The following NCAPD2 variants were observed in gnomAD, a reference collection of about 807,000 sequenced individuals.
NCAPD2 encodes condensin complex subunit 1.
A neutral mutation model predicts 164.5 loss-of-function variants in NCAPD2; 100 were observed. The ratio of observed to expected loss-of-function variants is 0.61; its 90% CI spans 0.52 to 0.72. The LOEUF (loss-of-function observed/expected upper bound fraction) is 0.72, where lower values mean the gene tolerates loss of function less well. Among genes scored for constraint, NCAPD2 ranks in the 30% least tolerant of loss-of-function variants. The probability of loss-of-function intolerance (pLI) is 0.00; values close to 1 mark genes in which losing one functional copy is unlikely to be tolerated. For synonymous variants in NCAPD2, 585 were observed against 642.6 expected, an observed-to-expected ratio of 0.91 and a Z score of 1.36; for missense variants, 1,560 against 1,749.2, an observed-to-expected ratio of 0.89 and a Z score of 1.93.
Position 6,526,152 on chromosome 12 carries a change from G to C in NCAPD2, c.2433G>C (p.Leu811=), listed in dbSNP as rs1946315457. Residue 811 remains leucine (L), a synonymous_variant, in exon 19 of 32, where the codon CTG becomes CTC. Transcript: ENST00000315579. ...AGAAGTTTCCACAGGACTACAGGCTGGCCCAGCAGGTGTGCCATGCCATTG... is the reference window on the plus strand; with the variant it reads ...AGAAGTTTCCACAGGACTACAGGCTCGCCCAGCAGGTGTGCCATGCCATTG... ...LDEKFPQDYR[L]AQQVCHAIAN... is the part of the protein sequence containing the mutation. 1 of 1,614,088 alleles carries C rather than the reference G, an allele frequency of 6.2e-7. No individual in the cohort carries two copies. Among genetic ancestry groups the C allele is most frequent in the South Asian group, 1.1e-5 (1 of 91,088 alleles).
intron 2 of NCAPD2, among the ~76,000 whole-genome samples, chr12:6,505,982 A>C (rs1282199950): frequency 6.6e-6 from 1 of 151,308 alleles, no homozygotes; most frequent in East Asian, 1.9e-4. Context: ...TTTTTTTTAC[A>C]TGGGGTCTCA....
rs376684532 is a variant in NCAPD2, at chr12:6,526,537, T to G, written c.2656T>G (p.Cys886Gly). 12 of 1,614,182 alleles carry G rather than the reference T, an allele frequency of 7.4e-6. No homozygotes were observed. Among genetic ancestry groups the G allele is most frequent in the Non-Finnish European group, 1.0e-5 (12 of 1,180,026 alleles). The change falls in exon 21 of 32, where the codon TGT (cysteine) becomes GGT (glycine). Residue 886 changes from cysteine (C) to glycine (G), a missense_variant. Cys to Gly is a radical substitution (Grantham distance 159). Coordinates refer to ENST00000315579, the MANE Select transcript of NCAPD2 (RefSeq NM_014865.4). Reference protein sequence around the residue: ...YQLAEGPEVICAQILQGCAKQ... With the variant: ...YQLAEGPEVIGAQILQGCAKQ... Reference sequence around the variant, plus strand: ...ACTGGCAGAGGGCCCCGAAGTGATCTGTGCCCAGATATTGCAGGGCTGTGC... The same window carrying G: ...ACTGGCAGAGGGCCCCGAAGTGATCGGTGCCCAGATATTGCAGGGCTGTGC...
rs1362176453 is a variant in NCAPD2, at chr12:6,517,852, A to G, written c.1482A>G (p.Leu494=). The change falls in exon 13 of 32, where the codon CTA becomes CTG. Residue 494 remains leucine, a synonymous_variant. Transcript: ENST00000315579. The stretch of plus-strand genomic sequence containing the variant: ...TGAAGTCTACCCTGCAGCAGCTTCT[A>G]CAGCTTCCCCAGGGAGAGGAGGAGA... ...PELKSTLQQL[L]QLPQGEEEIP... 4 of 1,614,092 alleles carry G rather than the reference A, an allele frequency of 2.5e-6. No individual in the cohort carries two copies. The highest frequency in any genetic ancestry group is 3.4e-6 in the Non-Finnish European group (4 of 1,180,042).
intron 2 of NCAPD2, among the ~76,000 whole-genome samples, chr12:6,497,483 T>G (rs1484747960): frequency 6.6e-6 from 1 of 152,174 alleles, no homozygotes. Context: ...CTCCATTGTG[T>G]TGTTCCCCTC....
chr12:6,521,231 A>G lies in NCAPD2; in HGVS notation c.1714+121A>G, dbSNP rs537250542. ...CTGGTGCTGAAGAGCCCAGAGATGA[A>G]TTGGCATTACTTTTGCTCTGGAATG... On this transcript the variant is annotated intron_variant, in intron 14 of 31. Coordinates refer to ENST00000315579, the MANE Select transcript of NCAPD2 (RefSeq NM_014865.4). The G allele has an allele frequency of 2.4e-5, 29 of 1,227,442 alleles. No homozygotes were observed. The East Asian group carries it at 7.0e-4, about 30-fold the overall frequency. 76.0% of individuals were successfully genotyped at this position (1,227,442 alleles called of 1,614,324 possible).
At chr12:6,524,513 G>T (rs1031754128) in intron 17 of NCAPD2, among the ~76,000 whole-genome samples, 12 of 152,066 alleles carry the variant, frequency 7.9e-5, no homozygotes, top group African/African-American at 2.9e-4. Flanking sequence ...GCCAGGTGTG[G>T]TGGTGGGCAC....
chr12:6,516,720 T>C (rs566768837), intron 9 of NCAPD2, 108 bp from the exon 10 acceptor site: 13 of 1,067,124 alleles, frequency 1.2e-5, no homozygotes, highest in Middle Eastern at 3.1e-4. Flanking sequence ...CTTTCTCCTG[T>C]GACCTTGGGA....
chr12:6,513,715 C>A (rs202142807), intron 6 of NCAPD2, among the ~76,000 whole-genome samples: 1 of 74,894 alleles, frequency 1.3e-5, no homozygotes. Context: ...GTGACTTTGT[C>A]TTTTTTTTTT....
In NCAPD2 at chr12:6,528,887, T is replaced by C. The variant is rs1365457531; in HGVS notation, c.3477+31T>C. ...AGGCAGAGAGGCACTGAGGGCTGGC[T>C]GCAGAGGGAATCTGTAGGTCACCTC... On this transcript the variant is annotated intron_variant, in intron 26 of 31. Transcript: ENST00000315579. The surrounding 1 kb of genome is among the most constrained non-coding windows in gnomAD (Gnocchi z 5.1). The C allele has an allele frequency of 1.2e-6, 2 of 1,613,150 alleles. No individual in the cohort carries two copies. Among genetic ancestry groups the C allele is most frequent in the Non-Finnish European group, 1.7e-6 (2 of 1,179,118 alleles).
chr12:6,520,830 C>A, intron 13 of NCAPD2, 156 bp from the exon 14 acceptor site: 1 of 856,874 alleles, frequency 1.2e-6, no homozygotes, highest in Non-Finnish European at 1.7e-6. Flanking sequence ...TTGAGCCCTA[C>A]CCCTTAGTAG....
Position 6,505,336 on chromosome 12 carries a change from AT to A in NCAPD2, c.128-4378del, listed in dbSNP as rs559579564. On this transcript the variant is annotated intron_variant, in intron 2 of 31. Transcript: ENST00000315579. ...CCGCCTCGGTCTCCAAAGCGCTGGGATTTACAGGTGTGAGCCAGCGTGCCCG... is the reference window on the plus strand; with the variant it reads ...CCGCCTCGGTCTCCAAAGCGCTGGGATTACAGGTGTGAGCCAGCGTGCCCG... Among the ~76,000 whole-genome samples, 145 of 152,172 alleles carry A rather than the reference AT, an allele frequency of 9.5e-4. 1 individual carries two copies. The highest frequency in any genetic ancestry group is 3.3e-3 in the African/African-American group (137 of 41,518).
intron 27 of NCAPD2, 188 bp from the exon 28 acceptor site, chr12:6,529,325 C>T: frequency 1.6e-6 from 1 of 638,324 alleles, no homozygotes; most frequent in Non-Finnish European, 2.7e-6. Context: ...GTGAAAATTC[C>T]TGAGCCGGGG....
chr12:6,509,971 A>G (rs1019983208), intron 3 of NCAPD2, 104 bp from the exon 4 acceptor site: 4 of 1,349,110 alleles, frequency 3.0e-6, no homozygotes, highest in Non-Finnish European at 4.2e-6. Context: ...GAACAATTTC[A>G]CGTGTATTTT....
intron 13 of NCAPD2, 114 bp from the exon 14 acceptor site, chr12:6,520,872 G>C: frequency 7.1e-7 from 1 of 1,411,040 alleles, no homozygotes; most frequent in African/African-American, 1.4e-5. Context: ...CATGTTAAGT[G>C]CTCCTTTTCT....
chr12:6,510,580 T>A (rs913252321), intron 4 of NCAPD2, 49 bp from the exon 5 acceptor site: 1 of 1,595,282 alleles, frequency 6.3e-7, no homozygotes, highest in Non-Finnish European at 8.6e-7. Context: ...GAAGTTGGGG[T>A]ATATGAAAGA....
intron 2 of NCAPD2, among the ~76,000 whole-genome samples, chr12:6,495,648 T>C (rs1640905454): frequency 6.6e-6 from 1 of 152,226 alleles, no homozygotes; most frequent in African/African-American, 2.4e-5. Context: ...CCATAATATA[T>C]ATGTACCACT....
Position 6,531,416 on chromosome 12 carries a change from G to T in NCAPD2, c.*4G>T, listed in dbSNP as rs371000555. ...GGCTCGCAGGCACAGATCCTAGGAA[G>T]TCTGTTCCTGTCCTCCCTGTGCAGG... On this transcript the variant is annotated 3_prime_UTR_variant, in exon 32 of 32. Transcript: ENST00000315579. The surrounding 1 kb of genome is among the most constrained non-coding windows in gnomAD (Gnocchi z 4.1). The T allele has an allele frequency of 1.2e-6, 2 of 1,612,994 alleles. No individual in the cohort carries two copies. The highest frequency in any genetic ancestry group is 1.3e-5 in the African/African-American group (1 of 74,848).
chr12:6,509,526 T>C (rs1946126524), intron 2 of NCAPD2, among the ~76,000 whole-genome samples, 191 bp from the exon 3 acceptor site: 1 of 152,174 alleles, frequency 6.6e-6, no homozygotes, highest in Non-Finnish European at 1.5e-5. Flanking sequence ...CCTCCCAAAG[T>C]GCTGGGATTA....
intron 2 of NCAPD2, among the ~76,000 whole-genome samples, chr12:6,504,201 A>ATC (rs1430591862): frequency 8.8e-5 from 2 of 22,682 alleles, no homozygotes; most frequent in Non-Finnish European, 6.5e-5. Flanking sequence ...ATATATATAT[A>ATC]TATATATATA....
Sources: allele counts gnomAD v4.1 joint callset (sites outside exome capture counted in the v4.1 genomes callset), GRCh38; gene constraint gnomAD v4.1.1; non-coding constraint Gnocchi (gnomAD v3.1); transcripts MANE v1.5; gene names NCBI Gene and HGNC (gene_info 2026-07-23, HGNC 2026-07-21).